GABBR2: variants seen among roughly 807,000 people sequenced by gnomAD.
The protein encoded by GABBR2 is G-protein coupled receptor 51.
GABBR2 carries 23 observed loss-of-function variants against 105.6 expected under a neutral mutation model. That is an observed-to-expected ratio of 0.22 (90% CI 0.16 to 0.31). The LOEUF (loss-of-function observed/expected upper bound fraction) is 0.31, where lower values mean the gene tolerates loss of function less well. Ranked by LOEUF, GABBR2 falls within the 10% of genes least tolerant of loss-of-function variation. GABBR2 has a pLI of 1.00. For synonymous variants in GABBR2, 478 were observed against 499.7 expected (o/e 0.96, Z 0.58); for missense variants, 734 against 1,245.5 (o/e 0.59, Z 6.18).
chr9:98,387,974 T>C (rs1832105365), intron 10 of GABBR2, among the ~76,000 whole-genome samples: 1 of 152,182 alleles, frequency 6.6e-6, no homozygotes. Context: ...CTGGGCACCA[T>C]GGCAGAGCCA....
chr9:98,423,547 C>T (rs1364408073), intron 7 of GABBR2, among the ~76,000 whole-genome samples: 10 of 152,098 alleles, frequency 6.6e-5, no homozygotes, highest in East Asian at 1.9e-4. Flanking sequence ...TTCTCCCATT[C>T]TGTAGGTTGC....
chr9:98,650,357 A>C (rs1279440790), intron 1 of GABBR2, among the ~76,000 whole-genome samples: 2 of 152,214 alleles, frequency 1.3e-5, no homozygotes, highest in African/African-American at 4.8e-5. Flanking sequence ...AGTTGAAAGA[A>C]TAGTACTCAT....
intron 1 of GABBR2, among the ~76,000 whole-genome samples, chr9:98,639,505 C>A (rs7026218): frequency 2.6e-5 from 4 of 151,786 alleles, no homozygotes; most frequent in Non-Finnish European, 5.9e-5. Flanking sequence ...CACCTTGCAG[C>A]GACACACTTT....
chr9:98,556,799 C>A (rs570874726), intron 2 of GABBR2, among the ~76,000 whole-genome samples: 2 of 152,308 alleles, frequency 1.3e-5, no homozygotes, highest in East Asian at 3.9e-4. Flanking sequence ...AATCCCAGCA[C>A]TTTGGGAGGC....
intron 2 of GABBR2, among the ~76,000 whole-genome samples, chr9:98,566,092 C>T (rs555188802): frequency 4.5e-4 from 68 of 152,306 alleles, no homozygotes; most frequent in Middle Eastern, 3.4e-3. Flanking sequence ...GAGGATGAGG[C>T]GCCTAGAAGC....
intron 1 of GABBR2, among the ~76,000 whole-genome samples, chr9:98,696,866 T>A (rs898298587): frequency 9.9e-5 from 15 of 151,562 alleles, no homozygotes; most frequent in African/African-American, 3.6e-4. Flanking sequence ...TTAAAGTGAG[T>A]AGAAAGTGCA....
At chr9:98,634,096 C>T (rs921071324) in intron 1 of GABBR2, among the ~76,000 whole-genome samples, 1 of 152,188 alleles carries the variant, frequency 6.6e-6, no homozygotes, top group African/African-American at 2.4e-5. Flanking sequence ...GGGACCCCAA[C>T]AGCATGCACG....
intron 17 of GABBR2, among the ~76,000 whole-genome samples, chr9:98,296,717 T>C (rs2131340462): frequency 6.6e-6 from 1 of 152,338 alleles, no homozygotes; most frequent in Admixed American, 6.5e-5. Context: ...TCTTTTGAGA[T>C]GTTGGTCTTT....
At chr9:98,441,354 G>GTTA (rs10551324) in intron 7 of GABBR2, among the ~76,000 whole-genome samples, 11 of 151,508 alleles carry the variant, frequency 7.3e-5, no homozygotes, top group Non-Finnish European at 1.2e-4. Context: ...TCTGAAGGAA[G>GTTA]TTATTATTAT....
At chr9:98,556,289 G>A (rs1185289339) in intron 2 of GABBR2, among the ~76,000 whole-genome samples, 1 of 152,130 alleles carries the variant, frequency 6.6e-6, no homozygotes, top group Non-Finnish European at 1.5e-5. Context: ...GGACATGGGA[G>A]GGCCTTCAGT....
intron 7 of GABBR2, among the ~76,000 whole-genome samples, chr9:98,418,445 G>A (rs1163339486): frequency 1.3e-5 from 2 of 152,130 alleles, no homozygotes; most frequent in Non-Finnish European, 2.9e-5. Flanking sequence ...TGAGGTGAGA[G>A]GATTGTTTAA....
chr9:98,492,594 A>C (rs1827200848), intron 4 of GABBR2, among the ~76,000 whole-genome samples: 1 of 152,132 alleles, frequency 6.6e-6, no homozygotes, highest in South Asian at 2.1e-4. Flanking sequence ...GATCCCATCT[A>C]GAATATACCA....
At chr9:98,585,271 G>A (rs931085839) in intron 1 of GABBR2, among the ~76,000 whole-genome samples, 1 of 151,946 alleles carries the variant, frequency 6.6e-6, no homozygotes, top group African/African-American at 2.4e-5. Flanking sequence ...ACTGGATTAA[G>A]AAAATGTGGC....
intron 13 of GABBR2, among the ~76,000 whole-genome samples, chr9:98,338,351 G>GA (rs1485573536): frequency 6.6e-6 from 1 of 152,138 alleles, no homozygotes; most frequent in African/African-American, 2.4e-5. Context: ...CAGAATGAGA[G>GA]AAAATATTTG....
At chr9:98,650,639 T>C (rs1440653728) in intron 1 of GABBR2, among the ~76,000 whole-genome samples, 1 of 152,192 alleles carries the variant, frequency 6.6e-6, no homozygotes, top group Non-Finnish European at 1.5e-5. Context: ...GTACACCATG[T>C]TCACAGCAAC....
chr9:98,554,541 AACT>A (rs1169664035), intron 2 of GABBR2, among the ~76,000 whole-genome samples: 1 of 139,566 alleles, frequency 7.2e-6, no homozygotes, highest in Admixed American at 7.5e-5. Context: ...CTTCTTTTTA[AACT>A]TCTATTATCA....
chr9:98,309,399 G>A (rs566973529), intron 14 of GABBR2, among the ~76,000 whole-genome samples: 17 of 152,344 alleles, frequency 1.1e-4, no homozygotes, highest in South Asian at 6.2e-4. Context: ...GAAGGATCAC[G>A]GAGACAGTCT....
At chr9:98,303,609 G>C (rs1240718502) in intron 15 of GABBR2, among the ~76,000 whole-genome samples, 186 bp from the exon 16 acceptor site, 2 of 152,316 alleles carry the variant, frequency 1.3e-5, no homozygotes, top group African/African-American at 4.8e-5. Context: ...GTGTGACCTG[G>C]GGCAGGCCCC....
chr9:98,496,185 G>A, intron 4 of GABBR2: 1 of 566,162 alleles, frequency 1.8e-6, no homozygotes, highest in Non-Finnish European at 3.2e-6. Flanking sequence ...CATCAGGAAA[G>A]TGCTCAGTGG....
Sources: allele counts gnomAD v4.1 joint callset (sites outside exome capture counted in the v4.1 genomes callset), GRCh38; gene constraint gnomAD v4.1.1; transcripts MANE v1.5; gene names NCBI Gene and HGNC (gene_info 2026-07-23, HGNC 2026-07-21).